The following GRID2 variants were observed in gnomAD, a reference collection of about 807,000 sequenced individuals.
GRID2 encodes the protein glutamate ionotropic receptor delta type subunit 2, also known as glutamate receptor ionotropic, delta-2.
A neutral mutation model predicts 114.8 loss-of-function variants in GRID2; 33 were observed. That is an observed-to-expected ratio of 0.29 (90% CI 0.22 to 0.38). The LOEUF (loss-of-function observed/expected upper bound fraction) is 0.38, where lower values mean the gene tolerates loss of function less well. GRID2 is among the 10% of genes least tolerant of loss of function. GRID2 has a pLI of 1.00. For synonymous variants in GRID2, 505 were observed against 449.9 expected (o/e 1.12, Z -1.55); for missense variants, 1,184 against 1,257.7 (o/e 0.94, Z 0.89).
intron 14 of GRID2, among the ~76,000 whole-genome samples, chr4:93,726,417 A>G (rs1409705226): frequency 2.0e-5 from 3 of 152,116 alleles, no homozygotes; most frequent in Admixed American, 1.3e-4. Context: ...GTCAGGTAGC[A>G]TGATGCCTCC....
At chr4:93,778,279 C>T (rs1734409664), downstream of GRID2, among the ~76,000 whole-genome samples, 1 of 151,698 alleles carries the variant, frequency 6.6e-6, no homozygotes, top group Non-Finnish European at 1.5e-5. Context: ...AATGCTAACC[C>T]TCTATTAATA....
chr4:93,595,602 T>A (rs912689512), intron 13 of GRID2, among the ~76,000 whole-genome samples: 1 of 152,220 alleles, frequency 6.6e-6, no homozygotes, highest in African/African-American at 2.4e-5. Context: ...TGTTATAATT[T>A]CTCTACCATT....
intron 14 of GRID2, among the ~76,000 whole-genome samples, chr4:93,736,059 G>A (rs965825952): frequency 6.6e-6 from 1 of 151,896 alleles, no homozygotes; most frequent in Admixed American, 6.6e-5. Context: ...CTGTATTTCT[G>A]TTCAAAACGA....
At chr4:93,597,203 G>C (rs377041646) in intron 13 of GRID2, among the ~76,000 whole-genome samples, 88 of 152,224 alleles carry the variant, frequency 5.8e-4, no homozygotes, top group African/African-American at 2.0e-3. Flanking sequence ...AAGCATATAA[G>C]ACCTCCCAAA....
intron 8 of GRID2, among the ~76,000 whole-genome samples, chr4:93,391,273 G>A (rs1257191552): frequency 6.6e-6 from 1 of 152,160 alleles, no homozygotes; most frequent in African/African-American, 2.4e-5. Flanking sequence ...TATAAAACAT[G>A]TATCTGAGTC....
At chr4:93,140,980 G>C (rs1051719639) in intron 4 of GRID2, among the ~76,000 whole-genome samples, 3 of 152,120 alleles carry the variant, frequency 2.0e-5, no homozygotes, top group Admixed American at 2.0e-4. Context: ...TTGACAAACT[G>C]TTTTAGTCTC....
intron 1 of GRID2, among the ~76,000 whole-genome samples, chr4:92,321,897 T>G (rs1726332516): frequency 6.6e-6 from 1 of 152,122 alleles, no homozygotes; most frequent in Non-Finnish European, 1.5e-5. Flanking sequence ...CTTGGATGAG[T>G]GATGGAATTT....
intron 10 of GRID2, among the ~76,000 whole-genome samples, chr4:93,447,841 A>C (rs761365610): frequency 2.4e-4 from 37 of 151,958 alleles, no homozygotes; most frequent in Non-Finnish European, 1.0e-4. Flanking sequence ...AAAACATTCA[A>C]TATCACTTTA....
At chr4:92,652,873 T>TATATAAAAATATATTTATAAATAC (rs1255016799) in intron 2 of GRID2, among the ~76,000 whole-genome samples, 19 of 75,850 alleles carry the variant, frequency 2.5e-4, no homozygotes, top group South Asian at 1.3e-3. Context: ...TACATATAAA[T>TATATAAAAATATATTTATAAATAC]ATATAAAAAT....
intron 2 of GRID2, among the ~76,000 whole-genome samples, chr4:92,773,142 A>G (rs1265071305): frequency 1.3e-5 from 2 of 152,272 alleles, no homozygotes; most frequent in East Asian, 1.9e-4. Context: ...AATGCAGTCT[A>G]TGATATTATG....
intron 2 of GRID2, among the ~76,000 whole-genome samples, chr4:92,940,697 T>A (rs917838214): frequency 6.6e-6 from 1 of 152,150 alleles, no homozygotes; most frequent in African/African-American, 2.4e-5. Flanking sequence ...TGATATTGGC[T>A]GTGGGTTTGT....
At chr4:93,023,123 G>T (rs541890169) in intron 2 of GRID2, among the ~76,000 whole-genome samples, 1 of 147,120 alleles carries the variant, frequency 6.8e-6, no homozygotes, top group Non-Finnish European at 1.5e-5. Flanking sequence ...GTGTGTGTGT[G>T]TGTATGTATG....
chr4:92,628,170 A>C (rs945510179), intron 2 of GRID2, among the ~76,000 whole-genome samples: 2 of 152,164 alleles, frequency 1.3e-5, no homozygotes, highest in Non-Finnish European at 2.9e-5. Flanking sequence ...TTCTAAGGAT[A>C]CAACAATCAG....
intron 2 of GRID2, among the ~76,000 whole-genome samples, chr4:92,617,804 T>C (rs890511897): frequency 6.6e-6 from 1 of 151,834 alleles, no homozygotes; most frequent in African/African-American, 2.4e-5. Flanking sequence ...TTTATATGTC[T>C]TCTTTGAAGA....
chr4:93,402,472 GA>G (rs1262636257), intron 9 of GRID2, among the ~76,000 whole-genome samples: 6 of 151,646 alleles, frequency 4.0e-5, no homozygotes, highest in South Asian at 2.1e-4. Context: ...ACTCAGTAAA[GA>G]AAAAAAAGCA....
At position 92,408,937 on chromosome 4, in the gene GRID2, C is replaced by A. The variant is rs548557429; in HGVS notation, c.88+104193C>A. 2.8e-4 allele frequency among the ~76,000 whole-genome samples: 43 copies of A among 152,062 alleles called. No homozygotes were observed. In the South Asian group the frequency reaches 6.2e-3, roughly 22 times the overall value. On this transcript the variant is annotated intron_variant, in intron 1 of 15. Transcript: ENST00000282020. Reference sequence around the variant, plus strand: ...AAAAGACAGATTGACTTCTTCTTTTCCTATTTTGATGCTTTTTATTTTATT... The same window carrying A: ...AAAAGACAGATTGACTTCTTCTTTTACTATTTTGATGCTTTTTATTTTATT...
Position 93,552,361 on chromosome 4 carries a change from G to A in GRID2, c.2193+36950G>A, listed in dbSNP as rs143254137. 2.3e-3 allele frequency among the ~76,000 whole-genome samples: 350 copies of A among 152,194 alleles called. 11 individuals are homozygous for A. In the East Asian group the frequency reaches 0.065, roughly 28 times the overall value. On this transcript the variant is annotated intron_variant, in intron 13 of 15. Transcript: ENST00000282020. ...ACATACATGTGCCTGTGTCTTTATA[G>A]CAGCATGTTTTATAATCCTTTGGGT...
intron 2 of GRID2, among the ~76,000 whole-genome samples, chr4:92,891,366 T>A (rs1310725357): frequency 1.3e-5 from 2 of 152,106 alleles, no homozygotes; most frequent in Non-Finnish European, 2.9e-5. Flanking sequence ...ACACTAAAGA[T>A]ACAAAAGAAA....
At chr4:93,671,912 T>A (rs1578527081) in intron 14 of GRID2, among the ~76,000 whole-genome samples, 1 of 151,768 alleles carries the variant, frequency 6.6e-6, no homozygotes, top group African/African-American at 2.4e-5. Context: ...GAGGCAGAGG[T>A]TGCAGTGAGC....
Sources: allele counts gnomAD v4.1 joint callset (sites outside exome capture counted in the v4.1 genomes callset), GRCh38; gene constraint gnomAD v4.1.1; transcripts MANE v1.5; gene names NCBI Gene and HGNC (gene_info 2026-07-23, HGNC 2026-07-21).